FA2H: variants seen among roughly 807,000 people sequenced by gnomAD.
The protein encoded by FA2H is fatty acid 2-hydroxylase.
Under a neutral mutation model 44.9 loss-of-function variants are expected in FA2H, and 22 were observed. That is an observed-to-expected ratio of 0.49 (90% CI 0.35 to 0.70). The LOEUF is 0.70. FA2H is among the 30% of genes least tolerant of loss of function. The pLI, the probability that FA2H is intolerant of heterozygous loss-of-function variation, is 0.01. For synonymous variants in FA2H, 243 were observed against 213.2 expected, an observed-to-expected ratio of 1.14 and a Z score of -1.22; for missense variants, 501 against 504.9, an observed-to-expected ratio of 0.99 and a Z score of 0.07.
chr16:74,762,389 G>A (rs1302820793), intron 1 of FA2H, among the ~76,000 whole-genome samples: 1 of 152,056 alleles, frequency 6.6e-6, no homozygotes, highest in African/African-American at 2.4e-5. Context: ...AAACCAACAC[G>A]ACTTGACTCA....
intron 1 of FA2H, among the ~76,000 whole-genome samples, chr16:74,745,245 T>C (rs771617514): frequency 3.9e-5 from 6 of 152,182 alleles, no homozygotes; most frequent in Non-Finnish European, 7.3e-5. Context: ...TACCTGTTGA[T>C]TGTATTCCAA....
intron 1 of FA2H, among the ~76,000 whole-genome samples, chr16:74,772,468 T>G (rs1279622120): frequency 6.6e-6 from 1 of 152,214 alleles, no homozygotes; most frequent in Admixed American, 6.5e-5. Flanking sequence ...AGGAACCGAA[T>G]TCGTTTTGTT....
At chr16:74,744,512 C>T (rs1962379438) in intron 1 of FA2H, among the ~76,000 whole-genome samples, 3 of 146,498 alleles carry the variant, frequency 2.0e-5, no homozygotes, top group Non-Finnish European at 4.5e-5. Flanking sequence ...AGGGCAGTGG[C>T]ATGATCTTGG....
Position 74,717,269 on chromosome 16 carries a change from G to A in FA2H, c.787-670C>T, listed in dbSNP as rs567348711. On this transcript the variant is annotated intron_variant, in intron 5 of 6. Transcript: ENST00000219368. Reference sequence around the variant, plus strand: ...TGGCTTGGTGAGGAGTCTGAGAAGAGAATCCTGCAGCCTCTCTGGGCTGGA... The same window carrying A: ...TGGCTTGGTGAGGAGTCTGAGAAGAAAATCCTGCAGCCTCTCTGGGCTGGA... Among the ~76,000 whole-genome samples, 11 of 152,292 alleles carry A rather than the reference G, an allele frequency of 7.2e-5. No homozygotes were observed. The East Asian group carries it at 2.1e-3, about 29-fold the overall frequency.
At chr16:74,714,744 G>C (rs1270865044) in intron 6 of FA2H, among the ~76,000 whole-genome samples, 1 of 152,070 alleles carries the variant, frequency 6.6e-6, no homozygotes, top group African/African-American at 2.4e-5. Flanking sequence ...AATGTGGCTA[G>C]AGCTCCAGAG....
Position 74,761,375 on chromosome 16 carries a change from T to G in FA2H, c.270+13111A>C, listed in dbSNP as rs1962705557. Among the ~76,000 whole-genome samples the G allele has an allele frequency of 2.6e-5, 4 of 151,370 alleles. No homozygotes were observed. In the South Asian group the frequency reaches 6.3e-4, roughly 24 times the overall value. On this transcript the variant is annotated intron_variant, in intron 1 of 6. Coordinates refer to ENST00000219368, the MANE Select transcript of FA2H (RefSeq NM_024306.5). ...GGCTGAGACTGGAGAATCGCTTGGATCAGGGAGGCAGAGGTTGTAGTGACC... is the reference window on the plus strand; with the variant it reads ...GGCTGAGACTGGAGAATCGCTTGGAGCAGGGAGGCAGAGGTTGTAGTGACC...
chr16:74,740,312 T>C (rs927660827), intron 1 of FA2H, among the ~76,000 whole-genome samples, 197 bp from the exon 2 acceptor site: 1 of 152,010 alleles, frequency 6.6e-6, no homozygotes, highest in Non-Finnish European at 1.5e-5. Context: ...GTATTTTACA[T>C]TTCCCTTAAA....
chr16:74,726,088 C>T (rs1961947459), intron 4 of FA2H, 137 bp downstream of exon 4: 1 of 690,116 alleles, frequency 1.4e-6, no homozygotes, highest in South Asian at 1.5e-5. Flanking sequence ...AAGACTATTT[C>T]TACAGAGAGG....
At chr16:74,738,333 G>A (rs566588654) in intron 2 of FA2H, among the ~76,000 whole-genome samples, 8 of 152,238 alleles carry the variant, frequency 5.3e-5, no homozygotes, top group Non-Finnish European at 2.9e-5. Flanking sequence ...GGGTGTGGTC[G>A]TGGTGACAGC....
At chr16:74,762,093 A>G (rs2144659506) in intron 1 of FA2H, among the ~76,000 whole-genome samples, 1 of 152,194 alleles carries the variant, frequency 6.6e-6, no homozygotes, top group South Asian at 2.1e-4. Context: ...CCCAGGCTGG[A>G]GTGCAGTGGC....
chr16:74,773,679 T>G (rs114607102), intron 1 of FA2H, among the ~76,000 whole-genome samples: 3,366 of 152,288 alleles, frequency 0.022, 60 homozygotes, highest in African/African-American at 0.055. Flanking sequence ...GGCGCATTAA[T>G]CAGAGCCTCC....
chr16:74,774,157 G>A (rs1962963499), intron 1 of FA2H, among the ~76,000 whole-genome samples: 1 of 152,126 alleles, frequency 6.6e-6, no homozygotes, highest in Non-Finnish European at 1.5e-5. Flanking sequence ...GGGGGGCTGG[G>A]GACAGAAACG....
intron 1 of FA2H, among the ~76,000 whole-genome samples, chr16:74,741,828 G>GTGTGTA (rs1267730960): frequency 1.0e-5 from 1 of 96,764 alleles, no homozygotes; most frequent in African/African-American, 3.6e-5. Flanking sequence ...GTGTGTGTGT[G>GTGTGTA]TGTGTGTGTA....
intron 1 of FA2H, among the ~76,000 whole-genome samples, chr16:74,741,425 T>C (rs1404377294): frequency 6.6e-6 from 1 of 152,234 alleles, no homozygotes; most frequent in African/African-American, 2.4e-5. Flanking sequence ...TTTCTTAGTC[T>C]GTGTGTCTCA....
intron 6 of FA2H, among the ~76,000 whole-genome samples, chr16:74,715,815 C>T (rs369638976): frequency 0.027 from 3,634 of 136,090 alleles, 168 homozygotes; most frequent in African/African-American, 0.094. Context: ...TCTTCTTCTT[C>T]TTTTTTTTTT....
intron 1 of FA2H, 122 bp from the exon 2 acceptor site, chr16:74,740,237 G>A (rs918722709): frequency 2.6e-6 from 2 of 768,542 alleles, no homozygotes; most frequent in African/African-American, 1.7e-5. Context: ...GCAGGGTGGT[G>A]GAGATCAAGG....
intron 1 of FA2H, among the ~76,000 whole-genome samples, chr16:74,745,095 G>T (rs1196642098): frequency 1.3e-5 from 2 of 152,160 alleles, no homozygotes; most frequent in African/African-American, 4.8e-5. Flanking sequence ...GTCTGGTGCT[G>T]AGGACAGAAG....
chr16:74,767,539 C>G (rs144440410), intron 1 of FA2H, among the ~76,000 whole-genome samples: 1 of 152,008 alleles, frequency 6.6e-6, no homozygotes, highest in East Asian at 1.9e-4. Flanking sequence ...AGTGTGACCC[C>G]GAGTGTACTT....
chr16:74,732,049 G>C (rs756464080), intron 2 of FA2H, among the ~76,000 whole-genome samples: 12 of 151,830 alleles, frequency 7.9e-5, no homozygotes, highest in Non-Finnish European at 1.5e-4. Context: ...ATTGTTTTTT[G>C]TTTGTTTGTT....
Sources: allele counts gnomAD v4.1 joint callset (sites outside exome capture counted in the v4.1 genomes callset), GRCh38; gene constraint gnomAD v4.1.1; transcripts MANE v1.5; gene names NCBI Gene and HGNC (gene_info 2026-07-23, HGNC 2026-07-21).